FBXL13: variants seen among roughly 807,000 people sequenced by gnomAD.
FBXL13 encodes the protein F-box and leucine-rich repeat protein 13.
A neutral mutation model predicts 83.6 loss-of-function variants in FBXL13; 67 were observed. The ratio of observed to expected loss-of-function variants is 0.80; its 90% CI spans 0.66 to 0.98. The LOEUF (loss-of-function observed/expected upper bound fraction) is 0.98, where lower values mean the gene tolerates loss of function less well. Ranked by LOEUF, FBXL13 falls within the 50% of genes least tolerant of loss-of-function variation. The pLI is 0.00. For missense variants in FBXL13, 822 were observed against 866.5 expected (o/e 0.95, Z 0.64); for synonymous variants, 272 against 299.5 (o/e 0.91, Z 0.95).
At chr7:102,828,246 T>C (rs1800077868) in intron 18 of FBXL13, among the ~76,000 whole-genome samples, 1 of 152,184 alleles carries the variant, frequency 6.6e-6, no homozygotes, top group South Asian at 2.1e-4. Context: ...GTTTGTATCC[T>C]CTTTTATTTC....
At chr7:103,034,776 C>T (rs948028376) in intron 2 of FBXL13, among the ~76,000 whole-genome samples, 2 of 152,210 alleles carry the variant, frequency 1.3e-5, no homozygotes, top group African/African-American at 4.8e-5. Flanking sequence ...AGCATGTCCC[C>T]CACTACTGTA....
intron 6 of FBXL13, among the ~76,000 whole-genome samples, chr7:103,024,027 G>A (rs985847644): frequency 5.9e-5 from 9 of 152,016 alleles, no homozygotes; most frequent in African/African-American, 2.2e-4. Context: ...TTGAATGCTA[G>A]GCTTATAACC....
chr7:102,907,848 T>C (rs1814002339), intron 11 of FBXL13, among the ~76,000 whole-genome samples: 1 of 152,038 alleles, frequency 6.6e-6, no homozygotes, highest in Non-Finnish European at 1.5e-5. Flanking sequence ...GAAATACAAA[T>C]CAAAACCACA....
At chr7:102,826,851 A>G (rs189840826) in intron 18 of FBXL13, among the ~76,000 whole-genome samples, 1 of 144,808 alleles carries the variant, frequency 6.9e-6, no homozygotes, top group East Asian at 2.0e-4. Context: ...TATATAATAT[A>G]TATATTTCCA....
At chr7:102,859,746 C>T (rs765261327) in intron 16 of FBXL13, among the ~76,000 whole-genome samples, 10 of 152,166 alleles carry the variant, frequency 6.6e-5, no homozygotes, top group African/African-American at 1.2e-4. Context: ...CATCCTTGGT[C>T]TCCCTCATAA....
chr7:103,019,498 A>G (rs1054207278), intron 6 of FBXL13, among the ~76,000 whole-genome samples: 1 of 152,238 alleles, frequency 6.6e-6, no homozygotes, highest in Non-Finnish European at 1.5e-5. Context: ...GGAGATAGAG[A>G]CACAAAAATC....
chr7:102,862,444 T>A (rs1351108076), intron 16 of FBXL13, among the ~76,000 whole-genome samples: 1 of 152,178 alleles, frequency 6.6e-6, no homozygotes, highest in African/African-American at 2.4e-5. Context: ...GAAAATAGCA[T>A]AATTTGGAGG....
chr7:103,007,038 G>A (rs866563728), intron 6 of FBXL13, among the ~76,000 whole-genome samples: 18 of 151,964 alleles, frequency 1.2e-4, no homozygotes, highest in Non-Finnish European at 2.4e-4. Flanking sequence ...TATTCAAAAT[G>A]AAGCACAGAA....
At chr7:102,961,347 A>C (rs896542996) in intron 8 of FBXL13, among the ~76,000 whole-genome samples, 5 of 149,654 alleles carry the variant, frequency 3.3e-5, no homozygotes, top group Admixed American at 1.3e-4. Flanking sequence ...GATACAAACA[A>C]ATGGAAGAAC....
intron 7 of FBXL13, among the ~76,000 whole-genome samples, chr7:102,966,884 C>T (rs536202271): frequency 5.9e-5 from 9 of 152,112 alleles, no homozygotes; most frequent in Non-Finnish European, 8.8e-5. Context: ...ATCAATCAGC[C>T]CTGGCCACTC....
chr7:102,928,052 T>A (rs1410608106), intron 9 of FBXL13, among the ~76,000 whole-genome samples: 1 of 152,018 alleles, frequency 6.6e-6, no homozygotes, highest in African/African-American at 2.4e-5. Context: ...GAAGGTGGAG[T>A]AGCTTTATGT....
At chr7:103,049,870 G>T (rs1002796923) in intron 2 of FBXL13, among the ~76,000 whole-genome samples, 1 of 152,108 alleles carries the variant, frequency 6.6e-6, no homozygotes, top group Admixed American at 6.5e-5. Context: ...TTGGTGGAGG[G>T]GAAGAGAATC....
At chr7:102,967,924 A>C in intron 7 of FBXL13, 98 bp downstream of exon 8, 1 of 812,456 alleles carries the variant, frequency 1.2e-6, no homozygotes, top group Non-Finnish European at 2.0e-6. Context: ...GTGACCACAG[A>C]GCATGGAAGA....
At chr7:102,926,404 T>A in intron 9 of FBXL13, 30 bp from the exon 11 acceptor site, 1 of 1,558,540 alleles carries the variant, frequency 6.4e-7, no homozygotes. Context: ...AAGAGGCTTA[T>A]CAAATTATAG....
intron 10 of FBXL13, 63 bp from the exon 12 acceptor site, chr7:102,913,278 A>C: frequency 6.2e-7 from 1 of 1,600,116 alleles, no homozygotes; most frequent in East Asian, 2.2e-5. Flanking sequence ...AATCTTTCTT[A>C]AGCCACTATG....
At chr7:103,062,599 T>TA (rs1158700649) in intron 1 of FBXL13, among the ~76,000 whole-genome samples, 1,854 of 141,972 alleles carry the variant, frequency 0.013, 15 homozygotes, top group African/African-American at 0.02. Flanking sequence ...TCAGGTGACT[T>TA]AAAAAAAAAA....
At chr7:103,017,974 C>T (rs780657534) in intron 6 of FBXL13, among the ~76,000 whole-genome samples, 21 of 151,944 alleles carry the variant, frequency 1.4e-4, no homozygotes, top group Non-Finnish European at 2.1e-4. Flanking sequence ...ATACCGAGAA[C>T]GCCACAAAGA....
At chr7:103,065,095 A>T (rs756974208) in intron 1 of FBXL13, among the ~76,000 whole-genome samples, 14 of 152,232 alleles carry the variant, frequency 9.2e-5, no homozygotes, top group Non-Finnish European at 1.5e-4. Context: ...GATAATTGAC[A>T]CACCAAACAA....
At chr7:102,996,731 T>C (rs1289056833) in intron 6 of FBXL13, among the ~76,000 whole-genome samples, 4 of 152,186 alleles carry the variant, frequency 2.6e-5, no homozygotes, top group Non-Finnish European at 4.4e-5. Flanking sequence ...CACTGTGCTT[T>C]TTCCCCTCTC....
Sources: gnomAD v4.1 joint callset for allele counts (sites outside exome capture counted in the v4.1 genomes callset) on GRCh38, gnomAD v4.1.1 for gene constraint, MANE v1.5 for transcripts, NCBI Gene and HGNC (gene_info 2026-07-23, HGNC 2026-07-21) for gene names.